Variants in SREK1 observed in about 807,000 individuals in gnomAD.
The protein encoded by SREK1 is splicing regulatory glutamic acid and lysine rich protein 1, also known as splicing regulatory glutamine/lysine-rich protein 1.
In SREK1, 13 loss-of-function variants were observed where a neutral mutation model predicts 66.5. That is an observed-to-expected ratio of 0.20 (90% CI 0.13 to 0.31). The LOEUF (loss-of-function observed/expected upper bound fraction) is 0.31, where lower values mean the gene tolerates loss of function less well. SREK1 is among the 10% of genes least tolerant of loss of function. SREK1 has a pLI of 1.00. For missense variants in SREK1, 607 were observed against 769.6 expected (o/e 0.79, Z 2.50); for synonymous variants, 265 against 263.5 (o/e 1.01, Z -0.05).
rs1467509169 is a variant in SREK1, at chr5:66,178,596, G to A, written c.1726-123G>A. On this transcript the variant is annotated intron_variant, in intron 11 of 11. Coordinates refer to ENST00000334121, the MANE Select transcript of SREK1 (RefSeq NM_001077199.3). ...TTGCATATTCATTTTGTGTGAAAAC[G>A]TAATGAGAGAAAATCATACCCAGTT... 11 of 888,800 alleles carry A rather than the reference G, an allele frequency of 1.2e-5. No individual in the cohort carries two copies. The African/African-American group carries it at 1.3e-4, about 11-fold the overall frequency. 55.1% of individuals were successfully genotyped at this position (888,800 alleles called of 1,614,324 possible).
At chr5:66,149,370 A>G (rs1342469284) in intron 1 of SREK1, among the ~76,000 whole-genome samples, 1 of 152,072 alleles carries the variant, frequency 6.6e-6, no homozygotes, top group Non-Finnish European at 1.5e-5. Context: ...GGAAAAGAAA[A>G]GAAAAGAAAA....
rs577242272 is a variant in SREK1, at chr5:66,180,452, G to A, written c.*1584G>A. 7 of 152,598 alleles carry A rather than the reference G, an allele frequency of 4.6e-5. No individual in the cohort carries two copies. In the South Asian group the frequency reaches 1.5e-3, roughly 32 times the overall value. 9.5% of individuals were successfully genotyped at this position (152,598 alleles called of 1,614,324 possible). ...AGCTGAATAGCATGTTAGTTACTTG[G>A]TTTCAACTTGAGTTTTCTTTTAATG... On this transcript the variant is annotated 3_prime_UTR_variant, in exon 12 of 12. Transcript: ENST00000334121.
chr5:66,172,373 A>C (rs1046356271), intron 9 of SREK1, among the ~76,000 whole-genome samples: 1 of 152,140 alleles, frequency 6.6e-6, no homozygotes, highest in Admixed American at 6.6e-5. Context: ...GGAAAGTTCA[A>C]GTGTTCACAT....
In SREK1 at chr5:66,149,756, GTTA is replaced by G. The variant is rs142681434; in HGVS notation, c.162-3702_162-3700del. 2.6e-3 allele frequency among the ~76,000 whole-genome samples: 402 copies of G among 152,322 alleles called. 1 individual carries two copies. Among genetic ancestry groups the G allele is most frequent in the Middle Eastern group, 6.8e-3 (2 of 292 alleles). On this transcript the variant is annotated intron_variant, in intron 1 of 11. Transcript: ENST00000334121. ...GTTGGAATTGCTAGGGCTTTAGTAGGTTATTATAATCACAGATTGTTTTTGGTT... is the reference window on the plus strand; with the variant it reads ...GTTGGAATTGCTAGGGCTTTAGTAGGTTATAATCACAGATTGTTTTTGGTT...
intron 7 of SREK1, chr5:66,165,909 A>T (rs1286012776): frequency 1.3e-5 from 2 of 152,130 alleles, no homozygotes; most frequent in African/African-American, 4.8e-5. Context: ...AAGGAGATTC[A>T]AAGAATGAGG....
At chr5:66,144,843 C>G in intron 1 of SREK1, 1 of 1,076,256 alleles carries the variant, frequency 9.3e-7, no homozygotes. Context: ...TCTTATTTCC[C>G]CCCGAACTTA....
chr5:66,151,812 G>C (rs150422957), intron 1 of SREK1, among the ~76,000 whole-genome samples: 2 of 140,620 alleles, frequency 1.4e-5, no homozygotes, highest in Non-Finnish European at 3.1e-5. Context: ...GCAGAAGTGA[G>C]TTGGATGCTA....
At chr5:66,152,962 G>C (rs989209500) in intron 1 of SREK1, among the ~76,000 whole-genome samples, 1 of 152,054 alleles carries the variant, frequency 6.6e-6, no homozygotes, top group African/African-American at 2.4e-5. Flanking sequence ...AATCATCACT[G>C]TCCAGCTCTG....
intron 5 of SREK1, chr5:66,162,950 C>T (rs1744886573): frequency 6.2e-6 from 1 of 160,862 alleles, no homozygotes; most frequent in South Asian, 2.0e-4. Context: ...AACTACAGTA[C>T]TTCCAGTAAC....
chr5:66,153,215 ATTAAT>A (rs1743996903), intron 1 of SREK1, among the ~76,000 whole-genome samples: 1 of 151,846 alleles, frequency 6.6e-6, no homozygotes, highest in Non-Finnish European at 1.5e-5. Flanking sequence ...TTAAGGATTG[ATTAAT>A]TTGAGTTCCA....
intron 1 of SREK1, 46 bp downstream of exon 1, chr5:66,144,583 G>A: frequency 1.3e-6 from 2 of 1,521,182 alleles, no homozygotes; most frequent in Non-Finnish European, 1.8e-6. Context: ...GCGCCATAGA[G>A]ACCTCGGGAG....
intron 5 of SREK1, chr5:66,163,583 C>T (rs920480164): frequency 2.6e-6 from 1 of 384,746 alleles, no homozygotes; most frequent in Non-Finnish European, 4.5e-6. Flanking sequence ...TCTTTTCTCC[C>T]TGCTTTTGGT....
intron 1 of SREK1, chr5:66,145,205 C>T (rs1743063965): frequency 1.0e-6 from 1 of 972,940 alleles, no homozygotes; most frequent in Admixed American, 6.2e-5. Flanking sequence ...CAGGGTTATC[C>T]CTCCCGTATA....
chr5:66,162,012 T>G, intron 3 of SREK1, 97 bp from the exon 4 acceptor site: 1 of 1,419,600 alleles, frequency 7.0e-7, no homozygotes. Context: ...CTTTCATTCT[T>G]GTTGAGTTAG....
rs1052832838 is a variant in SREK1, at chr5:66,178,586, G to A, written c.1726-133G>A. 4 of 759,400 alleles carry A rather than the reference G, an allele frequency of 5.3e-6. No homozygotes were observed. The Admixed American group carries it at 1.2e-4, about 22-fold the overall frequency. 47.0% of individuals were successfully genotyped at this position (759,400 alleles called of 1,614,324 possible). ...TTGATAGTGTTTGCATATTCATTTT[G>A]TGTGAAAACGTAATGAGAGAAAATC... On this transcript the variant is annotated intron_variant, in intron 11 of 11. Transcript: ENST00000334121.
intron 11 of SREK1, 128 bp from the exon 12 acceptor site, chr5:66,178,591 A>G (rs914035839): frequency 1.2e-5 from 10 of 841,454 alleles, no homozygotes; most frequent in Non-Finnish European, 1.8e-5. Flanking sequence ...ATTTTGTGTG[A>G]AAACGTAATG....
rs946257175 is a variant in SREK1, at chr5:66,145,158, A to T, written c.161+621A>T. ...TTAAATTTTCCTCCTGAAAGGTCAC[A>T]CTGTCCCAAAGCTTTCAGAAAAAGT... is the stretch of plus-strand genomic sequence containing the variant. On this transcript the variant is annotated intron_variant, in intron 1 of 11. Coordinates refer to ENST00000334121, the MANE Select transcript of SREK1 (RefSeq NM_001077199.3). 3.0e-6 allele frequency: 3 copies of T among 985,322 alleles called. No homozygotes were observed. In the African/African-American group the frequency reaches 5.2e-5, roughly 17 times the overall value. The allele number at this position is 985,322 out of a possible 1,614,324, so 61.0% of individuals were successfully genotyped here. A position where few individuals can be genotyped will look rare whatever the true frequency, so the allele number is the denominator to read the frequency against.
intron 1 of SREK1, among the ~76,000 whole-genome samples, chr5:66,146,558 T>C (rs1264573371): frequency 6.6e-6 from 1 of 152,090 alleles, no homozygotes; most frequent in Non-Finnish European, 1.5e-5. Flanking sequence ...GTAATATATA[T>C]AGGCCAGGCA....
rs533883337 is a variant in SREK1 at position 66,170,987 on chromosome 5, A to G, written c.1484+40A>G. 8.5e-5 allele frequency: 132 copies of G among 1,558,450 alleles called. 2 individuals carry two copies. The South Asian group carries it at 1.4e-3, about 16-fold the overall frequency. Reference sequence around the variant, plus strand: ...AAAATTTTTACAAAGGGATTTGCTGATGACAATTGGAAACAAAATTTTTTA... The same window carrying G: ...AAAATTTTTACAAAGGGATTTGCTGGTGACAATTGGAAACAAAATTTTTTA... On this transcript the variant is annotated intron_variant, in intron 9 of 11. Coordinates refer to ENST00000334121, the MANE Select transcript of SREK1 (RefSeq NM_001077199.3).
Sources: allele counts gnomAD v4.1 joint callset (sites outside exome capture counted in the v4.1 genomes callset), GRCh38; gene constraint gnomAD v4.1.1; transcripts MANE v1.5; gene names NCBI Gene and HGNC (gene_info 2026-07-23, HGNC 2026-07-21).